The following DNAJC6 variants were observed in gnomAD, a reference collection of about 807,000 sequenced individuals.
DNAJC6 encodes the protein DnaJ heat shock protein family (Hsp40) member C6.
Under a neutral mutation model 110.0 loss-of-function variants are expected in DNAJC6, and 34 were observed. The observed-to-expected ratio is 0.31, with a 90% CI of 0.24 to 0.41. DNAJC6 has a LOEUF of 0.41. DNAJC6 is among the 10% of genes least tolerant of loss of function. The pLI is 1.00. For synonymous variants in DNAJC6, 406 were observed against 437.2 expected (o/e 0.93, Z 0.89); for missense variants, 1,031 against 1,207.8 (o/e 0.85, Z 2.17).
At chr1:65,264,790 T>A in exon 1 of DNAJC6, 1 of 1,518,686 alleles carries the variant, frequency 6.6e-7, no homozygotes, top group South Asian at 1.3e-5. Context: ...ATAGCCCGAG[T>A]GCTCCTCCGT....
In DNAJC6 at chr1:65,401,759, A is replaced by C; in HGVS notation, c.2108-2A>C. On this transcript the variant is annotated splice_acceptor_variant, in intron 14 of 18. Coordinates refer to ENST00000371069, the MANE Select transcript of DNAJC6 (RefSeq NM_001256864.2). LOFTEE classifies it high-confidence loss of function. ...TTTTCAATGACCTTATTTCCTTTTC[A>C]GGAGGCTTTGGAATGGGAAGCAAGT... 1.2e-6 allele frequency: 2 copies of C among 1,610,130 alleles called. No homozygotes were observed. The highest frequency in any genetic ancestry group is 1.1e-5 in the South Asian group (1 of 90,756).
chr1:65,353,611 G>T (rs1645512506), intron 1 of DNAJC6, among the ~76,000 whole-genome samples: 1 of 152,000 alleles, frequency 6.6e-6, no homozygotes, highest in South Asian at 2.1e-4. Context: ...GTTCATTTTG[G>T]TTTCAATGTA....
intron 1 of DNAJC6, among the ~76,000 whole-genome samples, chr1:65,278,670 G>A (rs7541078): frequency 0.033 from 4,969 of 152,278 alleles, 264 homozygotes; most frequent in African/African-American, 0.11. Context: ...GAGTAACAAA[G>A]AAAGTGCCAA....
chr1:65,278,149 C>T (rs1653734345), intron 1 of DNAJC6, among the ~76,000 whole-genome samples: 2 of 152,158 alleles, frequency 1.3e-5, no homozygotes, highest in South Asian at 2.1e-4. Context: ...TTGCGCGCTG[C>T]GTTTAGTGCT....
intron 17 of DNAJC6, among the ~76,000 whole-genome samples, chr1:65,410,048 A>G (rs1223282157): frequency 6.6e-6 from 1 of 152,188 alleles, no homozygotes; most frequent in African/African-American, 2.4e-5. Flanking sequence ...GAGGTCTGGA[A>G]GAGTTTGTAA....
intron 13 of DNAJC6, among the ~76,000 whole-genome samples, chr1:65,396,299 A>G (rs1407401922): frequency 1.3e-5 from 2 of 152,036 alleles, no homozygotes; most frequent in East Asian, 3.9e-4. Context: ...TGGTTTTCTC[A>G]CTCATTTAAA....
At chr1:65,387,296 A>G (rs1156534538) in intron 8 of DNAJC6, among the ~76,000 whole-genome samples, 9 of 152,256 alleles carry the variant, frequency 5.9e-5, no homozygotes, top group Non-Finnish European at 1.3e-4. Flanking sequence ...TCAATTTTAA[A>G]AAATTGAGAT....
chr1:65,383,717 A>G (rs1382066661), intron 5 of DNAJC6, among the ~76,000 whole-genome samples: 2 of 152,206 alleles, frequency 1.3e-5, no homozygotes, highest in Non-Finnish European at 2.9e-5. Context: ...CATTCAGTCC[A>G]CAACAGATTT....
At chr1:65,343,162 C>G (rs1302048555) in intron 1 of DNAJC6, among the ~76,000 whole-genome samples, 1 of 152,142 alleles carries the variant, frequency 6.6e-6, no homozygotes, top group African/African-American at 2.4e-5. Flanking sequence ...TAGTATGTAC[C>G]ATTGCCACTG....
chr1:65,385,716 C>G lies in DNAJC6; in HGVS notation c.805C>G (p.Leu269Val). Residue 269 changes from leucine (L) to valine (V), a missense_variant, in exon 7 of 19, where the codon CTG (leucine) becomes GTG (valine). Coordinates refer to ENST00000371069, the MANE Select transcript of DNAJC6 (RefSeq NM_001256864.2). ...AGTGCCAACCTTCTGTTTCAGATAC[C>G]TGGGCTATATGTGTGACCTACTGGC... ...IGLSPSHRRY[L>V]GYMCDLLADK... is the part of the protein sequence containing the mutation. The G allele has an allele frequency of 6.3e-7, 1 of 1,596,224 alleles. No homozygotes were observed. Among genetic ancestry groups the G allele is most frequent in the Non-Finnish European group, 8.6e-7 (1 of 1,166,920 alleles).
chr1:65,302,276 TATAATATAA>T (rs1295095508), intron 1 of DNAJC6, among the ~76,000 whole-genome samples: 1 of 19,806 alleles, frequency 5.0e-5, no homozygotes, highest in Non-Finnish European at 8.5e-5. Flanking sequence ...TTATATATTA[TATAATATAA>T]TATATAATAT....
chr1:65,296,732 G>T (rs760867445), intron 1 of DNAJC6, among the ~76,000 whole-genome samples: 5 of 151,898 alleles, frequency 3.3e-5, no homozygotes, highest in African/African-American at 1.2e-4. Flanking sequence ...GATTAAAGGC[G>T]CACGCCACCA....
intron 1 of DNAJC6, among the ~76,000 whole-genome samples, chr1:65,355,116 T>A (rs1645529455): frequency 6.6e-6 from 1 of 151,714 alleles, no homozygotes; most frequent in Non-Finnish European, 1.5e-5. Flanking sequence ...AATACAAAAA[T>A]TAGCCAGGCA....
chr1:65,373,623 A>C lies in DNAJC6; in HGVS notation c.544-5779A>C, dbSNP rs935772171. ...TCTTCAACTCTTTTGCCCAGTTTTT[A>C]ATTTGTTTTTTTTTTTTATTGTTGA... On this transcript the variant is annotated intron_variant, in intron 4 of 18. Transcript: ENST00000371069. Among the ~76,000 whole-genome samples the C allele has an allele frequency of 2.0e-4, 25 of 123,564 alleles. No individual in the cohort carries two copies. In the East Asian group the frequency reaches 4.7e-3, roughly 23 times the overall value. The allele number at this position is 123,564 out of a possible 152,430, so 81.1% of individuals were successfully genotyped here. A position where few individuals can be genotyped will look rare whatever the true frequency, so the allele number is the denominator to read the frequency against.
At chr1:65,400,562 T>G (rs957560070) in intron 14 of DNAJC6, among the ~76,000 whole-genome samples, 1 of 152,194 alleles carries the variant, frequency 6.6e-6, no homozygotes, top group Non-Finnish European at 1.5e-5. Context: ...AGCTTCCACA[T>G]GTGAATGAGA....
chr1:65,282,482 G>T (rs911876161), intron 1 of DNAJC6, among the ~76,000 whole-genome samples: 2 of 152,126 alleles, frequency 1.3e-5, no homozygotes, highest in Non-Finnish European at 2.9e-5. Context: ...CCTCCTCTGG[G>T]TTTAGGGGAG....
chr1:65,369,274 G>T (rs999270764), intron 4 of DNAJC6, among the ~76,000 whole-genome samples: 1 of 152,280 alleles, frequency 6.6e-6, no homozygotes, highest in South Asian at 2.1e-4. Context: ...TCCCAAAGCC[G>T]TAGTATTTCC....
At chr1:65,289,069 T>C (rs949989432) in intron 1 of DNAJC6, among the ~76,000 whole-genome samples, 4 of 152,232 alleles carry the variant, frequency 2.6e-5, no homozygotes, top group African/African-American at 9.6e-5. Flanking sequence ...TATGTGCATA[T>C]TGAGCTTTAA....
chr1:65,376,328 C>CA (rs77878717), intron 4 of DNAJC6, among the ~76,000 whole-genome samples: 62,077 of 150,560 alleles, frequency 0.41, 13,624 homozygotes, highest in Middle Eastern at 0.54. Flanking sequence ...TATATTGTTT[C>CA]AAAAAAAACA....
Sources: allele counts gnomAD v4.1 joint callset (sites outside exome capture counted in the v4.1 genomes callset), GRCh38; gene constraint gnomAD v4.1.1; transcripts MANE v1.5; gene names NCBI Gene and HGNC (gene_info 2026-07-23, HGNC 2026-07-21).